The following MYO9A variants were observed in gnomAD, a reference collection of about 807,000 sequenced individuals.
MYO9A encodes myosin IXA.
MYO9A carries 103 observed loss-of-function variants against 293.3 expected under a neutral mutation model. The ratio of observed to expected loss-of-function variants is 0.35; its 90% CI spans 0.30 to 0.41. MYO9A has a LOEUF of 0.41. Among genes scored for constraint, MYO9A ranks in the 10% least tolerant of loss-of-function variants. The pLI is 1.00. For synonymous variants in MYO9A, 1,001 were observed against 1,035.7 expected (o/e 0.97, Z 0.64); for missense variants, 2,685 against 3,033.0 (o/e 0.89, Z 2.69).
intron 32 of MYO9A, among the ~76,000 whole-genome samples, chr15:71,874,475 A>T (rs1334081722): frequency 6.6e-6 from 1 of 152,220 alleles, no homozygotes; most frequent in Non-Finnish European, 1.5e-5. Context: ...GTCACGCTCA[A>T]GATCATGTCA....
chr15:72,031,841 T>C (rs1254141114), intron 3 of MYO9A, among the ~76,000 whole-genome samples: 1 of 152,100 alleles, frequency 6.6e-6, no homozygotes, highest in Admixed American at 6.5e-5. Context: ...TTCTCGAATA[T>C]AATAATATGG....
chr15:71,892,494 C>G (rs1473431511), intron 26 of MYO9A: 2 of 152,386 alleles, frequency 1.3e-5, no homozygotes, highest in African/African-American at 2.4e-5. Context: ...CTATGGCCAA[C>G]AGGTCAAATA....
At chr15:71,989,983 G>A (rs948713414) in intron 11 of MYO9A, among the ~76,000 whole-genome samples, 2 of 151,906 alleles carry the variant, frequency 1.3e-5, no homozygotes, top group African/African-American at 2.4e-5. Flanking sequence ...CCAAGATCAC[G>A]CCACTGTACT....
chr15:72,086,870 C>G (rs1596542164), intron 1 of MYO9A, among the ~76,000 whole-genome samples: 1 of 152,094 alleles, frequency 6.6e-6, no homozygotes. Context: ...CAGGTTCAAG[C>G]GATTCTCCTG....
chr15:72,029,827 T>C (rs919626475), intron 3 of MYO9A, among the ~76,000 whole-genome samples: 2 of 152,206 alleles, frequency 1.3e-5, no homozygotes, highest in Non-Finnish European at 2.9e-5. Flanking sequence ...GAATCTGAAA[T>C]GTAAAAGCTT....
In MYO9A at chr15:71,826,809, C is replaced by T; in HGVS notation, c.7418G>A (p.Gly2473Glu). ...CAGGAATTTGGTCTGGCCCAATGGT[C>T]CTTCCATTCCCAGGGCCTCATTACC... The part of the protein sequence containing the change: ...ASGNEALGME[G>E]PLGQTKFLED... The change falls in exon 42 of 42, where the codon GGA (glycine) becomes GAA (glutamate). Residue 2473 changes from glycine (G) to glutamate (E), a missense_variant. Physicochemically the swap from Gly to Glu is moderately conservative, Grantham distance 98 (BLOSUM62 -2). Around this residue, in one of 10 missense-constraint regions of MYO9A, gnomAD observed 350 missense variants for 328.9 expected, o/e 1.06. Transcript: ENST00000356056. 1.9e-6 allele frequency: 3 copies of T among 1,614,114 alleles called. No homozygotes were observed. The highest frequency in any genetic ancestry group is 2.5e-6 in the Non-Finnish European group (3 of 1,179,984).
At chr15:71,844,234 G>A (rs2055288242) in intron 39 of MYO9A, among the ~76,000 whole-genome samples, 1 of 152,086 alleles carries the variant, frequency 6.6e-6, no homozygotes, top group Non-Finnish European at 1.5e-5. Context: ...CACCATATTT[G>A]GCACACAGTA....
At chr15:71,928,056 ATTTTTTTTTTTTTTTTTT>A (rs1172759885) in intron 18 of MYO9A, among the ~76,000 whole-genome samples, 1 of 6,040 alleles carries the variant, frequency 1.7e-4, no homozygotes, top group African/African-American at 3.3e-4. Context: ...ATATATATAT[ATTTTTTTTTTTTTTTTTT>A]TTTTTTTTTT....
At chr15:71,972,575 T>C (rs1180819101) in intron 12 of MYO9A, among the ~76,000 whole-genome samples, 1 of 152,192 alleles carries the variant, frequency 6.6e-6, no homozygotes, top group Non-Finnish European at 1.5e-5. Flanking sequence ...ACCCAGTTGG[T>C]GTCCACTGCT....
intron 12 of MYO9A, among the ~76,000 whole-genome samples, chr15:71,976,552 A>C (rs1200059937): frequency 1.3e-5 from 2 of 152,220 alleles, no homozygotes; most frequent in African/African-American, 4.8e-5. Flanking sequence ...ATTATCAACC[A>C]CAACGGTTCT....
At chr15:71,980,121 T>C (rs978568526) in intron 11 of MYO9A, among the ~76,000 whole-genome samples, 23 of 152,282 alleles carry the variant, frequency 1.5e-4, no homozygotes, top group Admixed American at 2.6e-4. Flanking sequence ...ACTGGGATTA[T>C]AGGCACAAGT....
chr15:72,101,260 G>C (rs1596575049), intron 1 of MYO9A, among the ~76,000 whole-genome samples: 1 of 123,684 alleles, frequency 8.1e-6, no homozygotes, highest in African/African-American at 3.2e-5. Flanking sequence ...TCAGCCCCCC[G>C]CCCGGCCAGC....
chr15:71,989,066 TG>T (rs1221868073), intron 11 of MYO9A, among the ~76,000 whole-genome samples: 1 of 152,100 alleles, frequency 6.6e-6, no homozygotes, highest in African/African-American at 2.4e-5. Context: ...GGCTAATTTT[TG>T]TATTTTTAGT....
intron 20 of MYO9A, among the ~76,000 whole-genome samples, chr15:71,904,649 C>A (rs1349122104): frequency 1.3e-4 from 20 of 152,054 alleles, no homozygotes; most frequent in Admixed American, 1.3e-3. Flanking sequence ...TGAGACTCTG[C>A]CTCAAAACAA....
intron 1 of MYO9A, among the ~76,000 whole-genome samples, chr15:72,091,627 C>T (rs2079912319): frequency 6.6e-6 from 1 of 152,142 alleles, no homozygotes. Context: ...TGGAGATATC[C>T]ATCTCCAATA....
At position 71,897,945 on chromosome 15, in the gene MYO9A, T is replaced by C; in HGVS notation, c.4558A>G (p.Thr1520Ala). The change falls in exon 25 of 42, where the codon ACA (threonine) becomes GCA (alanine). Residue 1520 changes from threonine (T) to alanine (A), a missense_variant. Around this residue, in one of 10 missense-constraint regions of MYO9A, gnomAD observed 1,434 missense variants for 1,497.7 expected, o/e 0.96. Coordinates refer to ENST00000356056, the MANE Select transcript of MYO9A (RefSeq NM_006901.4). ...TTGCGCTCCTTCTCTAAAATATCTG[T>C]TTGCTGGCGAATCTGTTCCATCATC... ...KEMMEQIRQQTDILEKERKAF... is the reference protein window; with the variant it reads ...KEMMEQIRQQADILEKERKAF... The C allele has an allele frequency of 6.2e-7, 1 of 1,614,186 alleles. No homozygotes were observed. The highest frequency in any genetic ancestry group is 8.5e-7 in the Non-Finnish European group (1 of 1,180,046).
intron 15 of MYO9A, among the ~76,000 whole-genome samples, chr15:71,940,081 G>A (rs2058736945): frequency 6.6e-6 from 1 of 152,068 alleles, no homozygotes; most frequent in Admixed American, 6.6e-5. Flanking sequence ...AAAAATACAT[G>A]TAAGTGCTTA....
At chr15:71,894,640 C>G (rs1206462673) in intron 25 of MYO9A, among the ~76,000 whole-genome samples, 6 of 152,038 alleles carry the variant, frequency 3.9e-5, no homozygotes, top group Admixed American at 6.6e-5. Flanking sequence ...TCAACACTGG[C>G]AGGGTAAGAA....
intron 9 of MYO9A, among the ~76,000 whole-genome samples, chr15:71,998,435 G>A (rs565568838): frequency 3.3e-5 from 5 of 151,668 alleles, no homozygotes; most frequent in Non-Finnish European, 5.9e-5. Context: ...ACTATACCCC[G>A]GAACTTAAAA....
Sources: allele counts gnomAD v4.1 joint callset (sites outside exome capture counted in the v4.1 genomes callset), GRCh38; gene constraint gnomAD v4.1.1; regional missense constraint gnomAD v4.1.1; transcripts MANE v1.5; gene names NCBI Gene and HGNC (gene_info 2026-07-23, HGNC 2026-07-21).